The following GRIK3 variants were observed in gnomAD, a reference collection of about 807,000 sequenced individuals.
GRIK3 encodes the protein glutamate ionotropic receptor kainate type subunit 3, also known as glutamate receptor ionotropic, kainate 3.
GRIK3 carries 29 observed loss-of-function variants against 102.5 expected under a neutral mutation model. The ratio of observed to expected loss-of-function variants is 0.28; its 90% CI spans 0.21 to 0.39. The LOEUF (loss-of-function observed/expected upper bound fraction) is 0.39, where lower values mean the gene tolerates loss of function less well. Ranked by LOEUF, GRIK3 falls within the 10% of genes least tolerant of loss-of-function variation. The probability of loss-of-function intolerance (pLI) is 1.00; values close to 1 mark genes in which losing one functional copy is unlikely to be tolerated. For missense variants in GRIK3, 908 were observed against 1,252.4 expected (o/e 0.73, Z 4.15); for synonymous variants, 511 against 504.9 (o/e 1.01, Z -0.16).
chr1:36,873,338 C>G (rs1177779894), intron 3 of GRIK3, among the ~76,000 whole-genome samples: 1 of 152,240 alleles, frequency 6.6e-6, no homozygotes, highest in Non-Finnish European at 1.5e-5. Context: ...AATCTGAGGA[C>G]TTCCAGGGAA....
intron 1 of GRIK3, among the ~76,000 whole-genome samples, chr1:36,929,957 T>C (rs2124312574): frequency 6.6e-6 from 1 of 152,352 alleles, no homozygotes; most frequent in East Asian, 1.9e-4. Flanking sequence ...GCTGGCACAG[T>C]GGCGCTCGCT....
rs145627553 is a variant in GRIK3, at chr1:36,984,713, T to C, written c.115+49281A>G. On this transcript the variant is annotated intron_variant, in intron 1 of 15. Transcript: ENST00000373091. Reference sequence around the variant, plus strand: ...CTGTCGGAAACTGTCCCAATCCCCTTTTTCATGGCCCTTCGTCTGCATGGC... The same window carrying C: ...CTGTCGGAAACTGTCCCAATCCCCTCTTTCATGGCCCTTCGTCTGCATGGC... Among the ~76,000 whole-genome samples the C allele has an allele frequency of 6.4e-4, 97 of 152,312 alleles. 1 individual carries two copies. Among genetic ancestry groups the C allele is most frequent in the East Asian group, 5.4e-3 (28 of 5,178 alleles).
At chr1:36,820,237 A>G (rs1642681643) in intron 11 of GRIK3, among the ~76,000 whole-genome samples, 1 of 152,278 alleles carries the variant, frequency 6.6e-6, no homozygotes, top group African/African-American at 2.4e-5. Context: ...TAAAGGAATG[A>G]TTAAATAAAT....
intron 3 of GRIK3, among the ~76,000 whole-genome samples, chr1:36,877,948 C>T (rs542470012): frequency 1.3e-5 from 2 of 152,216 alleles, no homozygotes; most frequent in Non-Finnish European, 2.9e-5. Flanking sequence ...TTCTTCTATG[C>T]TAAGATTAAC....
intron 7 of GRIK3, among the ~76,000 whole-genome samples, chr1:36,855,582 C>G (rs1640642618): frequency 6.6e-6 from 1 of 152,204 alleles, no homozygotes; most frequent in South Asian, 2.1e-4. Flanking sequence ...ACAAAGCAAC[C>G]ACTCTGAGCT....
At chr1:36,855,315 G>T in intron 7 of GRIK3, among the ~76,000 whole-genome samples, 1 of 152,278 alleles carries the variant, frequency 6.6e-6, no homozygotes, top group Non-Finnish European at 1.5e-5. Context: ...CTCTCCCTGC[G>T]GAATGCCCCC....
At chr1:36,963,456 A>T (rs995789552) in intron 1 of GRIK3, among the ~76,000 whole-genome samples, 2 of 152,184 alleles carry the variant, frequency 1.3e-5, no homozygotes, top group Admixed American at 1.3e-4. Context: ...ATGGAGAGGA[A>T]CGCCTTCTGT....
intron 1 of GRIK3, among the ~76,000 whole-genome samples, chr1:36,957,440 G>GCCCCA (rs1557440322): frequency 6.2e-5 from 1 of 16,186 alleles, no homozygotes; most frequent in African/African-American, 1.7e-4. Flanking sequence ...TCTGTGCTCT[G>GCCCCA]TGAGTCTGTG....
At chr1:36,889,230 G>C (rs1011674501) in intron 2 of GRIK3, among the ~76,000 whole-genome samples, 6 of 151,802 alleles carry the variant, frequency 4.0e-5, no homozygotes, top group African/African-American at 1.5e-4. Context: ...CTGAGGACTG[G>C]AAGTTTGAGA....
chr1:36,919,502 A>T (rs1641443568), intron 1 of GRIK3, among the ~76,000 whole-genome samples: 2 of 152,150 alleles, frequency 1.3e-5, no homozygotes, highest in Non-Finnish European at 2.9e-5. Context: ...AAAGCACCTG[A>T]CATGCAGAGG....
At position 36,805,212 on chromosome 1, in the gene GRIK3, G is replaced by A. The variant is rs200916816; in HGVS notation, c.2340C>T (p.Thr780=). 8.9e-4 allele frequency: 1,440 copies of A among 1,613,146 alleles called. 18 individuals carry two copies. In the South Asian group the frequency reaches 0.015, roughly 17 times the overall value. Residue 780 remains threonine, a synonymous_variant, in exon 15 of 16, where the codon ACC becomes ACT. Coordinates refer to ENST00000373091, the MANE Select transcript of GRIK3 (RefSeq NM_000831.4). ...CCTCCTGAAGCTGCAGGATGGCGAT[G>A]GTGATCTTGTCCCGGTATGGGGAGC... ...PMGSPYRDKI[T]IAILQLQEED...
chr1:36,802,968 T>C (rs1028568457), intron 15 of GRIK3, among the ~76,000 whole-genome samples: 2 of 152,164 alleles, frequency 1.3e-5, no homozygotes, highest in Non-Finnish European at 2.9e-5. Flanking sequence ...TGCCAGGCAC[T>C]GTTCCAGGTG....
intron 1 of GRIK3, among the ~76,000 whole-genome samples, chr1:36,927,799 G>A (rs1411730300): frequency 6.6e-6 from 1 of 152,170 alleles, no homozygotes; most frequent in Non-Finnish European, 1.5e-5. Flanking sequence ...GCTGTTGACT[G>A]CTTGGAGCTG....
intron 13 of GRIK3, among the ~76,000 whole-genome samples, chr1:36,810,179 G>A (rs1457081099): frequency 6.6e-6 from 1 of 152,108 alleles, no homozygotes; most frequent in African/African-American, 2.4e-5. Flanking sequence ...GCCCTTCATG[G>A]ACTCTCAGGT....
intron 1 of GRIK3, among the ~76,000 whole-genome samples, chr1:36,921,038 G>A (rs1027492219): frequency 2.0e-5 from 3 of 152,242 alleles, no homozygotes; most frequent in Admixed American, 2.0e-4. Flanking sequence ...TCTGGAGGTG[G>A]AGAGTGGGCA....
intron 3 of GRIK3, among the ~76,000 whole-genome samples, chr1:36,873,214 T>C (rs974177061): frequency 6.6e-6 from 1 of 152,162 alleles, no homozygotes; most frequent in Non-Finnish European, 1.5e-5. Flanking sequence ...ACTCAGGTGG[T>C]ACTCAACAAA....
chr1:36,907,026 T>A (rs1641291060), intron 1 of GRIK3, among the ~76,000 whole-genome samples: 1 of 152,198 alleles, frequency 6.6e-6, no homozygotes, highest in Non-Finnish European at 1.5e-5. Flanking sequence ...ACCCCAAAAC[T>A]CTGTACATCT....
intron 1 of GRIK3, 138 bp downstream of exon 1, chr1:37,033,856 A>T: frequency 1.9e-6 from 1 of 519,120 alleles, no homozygotes; most frequent in Non-Finnish European, 3.5e-6. Flanking sequence ...CCTCACAGGG[A>T]GGAGCTCCTG....
chr1:36,961,416 G>A (rs1219497552), intron 1 of GRIK3, among the ~76,000 whole-genome samples: 1 of 152,146 alleles, frequency 6.6e-6, no homozygotes, highest in Non-Finnish European at 1.5e-5. Flanking sequence ...AAAAGCAGAA[G>A]AGAGAGGACG....
Sources: gnomAD v4.1 joint callset for allele counts (sites outside exome capture counted in the v4.1 genomes callset) on GRCh38, gnomAD v4.1.1 for gene constraint, MANE v1.5 for transcripts, NCBI Gene and HGNC (gene_info 2026-07-23, HGNC 2026-07-21) for gene names.